The following KYNU variants were observed in gnomAD, a reference collection of about 807,000 sequenced individuals.
KYNU encodes L-kynurenine hydrolase.
Under a neutral mutation model 59.2 loss-of-function variants are expected in KYNU, and 54 were observed. The observed-to-expected ratio is 0.91, with a 90% CI of 0.73 to 1.14. KYNU has a LOEUF of 1.14. Ranked by LOEUF, KYNU falls within the 50% of genes most tolerant of loss-of-function variation. The pLI, the probability that KYNU is intolerant of heterozygous loss-of-function variation, is 0.00. For synonymous variants in KYNU, 177 were observed against 192.0 expected, an observed-to-expected ratio of 0.92 and a Z score of 0.65; for missense variants, 567 against 554.4, an observed-to-expected ratio of 1.02 and a Z score of -0.23.
At position 142,880,027 on chromosome 2, in the gene KYNU, A is replaced by G. The variant is rs539265950; in HGVS notation, c.-20+2291A>G. ...AAATGTTTGTCTAAGTCTTTCTCAT[A>G]TGGTCAGAATGAGAGAGGGTGCCCT... On this transcript the variant is annotated intron_variant, in intron 1 of 13. Coordinates refer to ENST00000264170, the MANE Select transcript of KYNU (RefSeq NM_003937.3). Among the ~76,000 whole-genome samples, 16 of 152,328 alleles carry G rather than the reference A, an allele frequency of 1.1e-4. No individual in the cohort carries two copies. In the East Asian group the frequency reaches 2.9e-3, roughly 28 times the overall value.
intron 4 of KYNU, among the ~76,000 whole-genome samples, chr2:142,953,421 A>T (rs1684058048): frequency 6.6e-6 from 1 of 152,218 alleles, no homozygotes; most frequent in Non-Finnish European, 1.5e-5. Context: ...AACATGGCAG[A>T]TTAACACCCA....
intron 8 of KYNU, among the ~76,000 whole-genome samples, chr2:142,977,943 T>TC (rs1396011087): frequency 1.3e-5 from 2 of 152,186 alleles, no homozygotes; most frequent in African/African-American, 4.8e-5. Context: ...TGGAGGCCCC[T>TC]CTTATAGAAA....
chr2:142,925,522 CTCATT>C (rs1683020909), intron 3 of KYNU, among the ~76,000 whole-genome samples: 1 of 152,206 alleles, frequency 6.6e-6, no homozygotes, highest in South Asian at 2.1e-4. Context: ...CACATGTTAT[CTCATT>C]TATTTCTCAT....
Position 142,930,922 on chromosome 2 carries a change from G to A in KYNU, c.373+3181G>A, listed in dbSNP as rs151118556. The stretch of plus-strand genomic sequence containing the variant: ...GGAGCAACATGCTGTTTTAATGAGC[G>A]CCTGGGTGCAGGCGGGCTGAGGCCT... On this transcript the variant is annotated intron_variant, in intron 4 of 13. Transcript: ENST00000264170. Among the ~76,000 whole-genome samples the A allele has an allele frequency of 1.3e-4, 20 of 152,228 alleles. No individual in the cohort carries two copies. The East Asian group carries it at 2.9e-3, about 22-fold the overall frequency.
intron 2 of KYNU, among the ~76,000 whole-genome samples, chr2:142,906,928 C>T (rs547719570): frequency 6.6e-6 from 1 of 152,264 alleles, no homozygotes; most frequent in East Asian, 1.9e-4. Context: ...CTCTCCCAAC[C>T]CAGAAGTTGT....
At chr2:142,896,015 T>G (rs900553859) in intron 2 of KYNU, among the ~76,000 whole-genome samples, 4 of 152,350 alleles carry the variant, frequency 2.6e-5, no homozygotes, top group Non-Finnish European at 4.4e-5. Context: ...CTTTTTTTCC[T>G]TTGTCTTCTC....
intron 10 of KYNU, among the ~76,000 whole-genome samples, chr2:143,022,876 T>G (rs908196921): frequency 1.3e-5 from 2 of 151,988 alleles, no homozygotes; most frequent in African/African-American, 4.8e-5. Context: ...TACCTTCTTA[T>G]GTTTTCTTGA....
At chr2:142,931,197 G>GTT (rs1276292270) in intron 4 of KYNU, among the ~76,000 whole-genome samples, 2 of 152,212 alleles carry the variant, frequency 1.3e-5, no homozygotes, top group African/African-American at 4.8e-5. Flanking sequence ...GAAGGAAGGA[G>GTT]TTATTCATCT....
chr2:142,885,677 G>C, intron 2 of KYNU, 141 bp downstream of exon 2: 1 of 805,576 alleles, frequency 1.2e-6, no homozygotes, highest in Non-Finnish European at 2.0e-6. Context: ...GAAGATCCCT[G>C]GTGCTCTCAA....
chr2:143,035,487 T>C (rs911172243), intron 12 of KYNU, among the ~76,000 whole-genome samples: 5 of 152,266 alleles, frequency 3.3e-5, no homozygotes, highest in African/African-American at 1.2e-4. Context: ...TTGCTTCCCT[T>C]TCTCTGTTAA....
At chr2:142,897,539 A>T (rs139764416) in intron 2 of KYNU, among the ~76,000 whole-genome samples, 31 of 152,248 alleles carry the variant, frequency 2.0e-4, no homozygotes, top group Admixed American at 1.3e-4. Flanking sequence ...AATACCAGAG[A>T]TCCAAATAAT....
At chr2:143,004,826 A>C (rs1163911475) in intron 10 of KYNU, among the ~76,000 whole-genome samples, 1 of 152,180 alleles carries the variant, frequency 6.6e-6, no homozygotes, top group East Asian at 1.9e-4. Context: ...AGAGTGATGA[A>C]ATCATATCTC....
chr2:142,927,725 T>C lies in KYNU; in HGVS notation c.357T>C (p.Leu119=), dbSNP rs201032563. Residue 119 remains leucine (L), a synonymous_variant, in exon 4 of 14, where the codon CTT becomes CTC. Transcript: ENST00000264170. ...WITGDESIVG[L]MKDIVGANEK... is the part of the protein sequence containing the mutation. ...CAGGAGATGAGAGTATTGTAGGCCT[T>C]ATGAAGGACATTGTAGGTAAGTACA... 1.2e-6 allele frequency: 2 copies of C among 1,610,884 alleles called. No individual in the cohort carries two copies. The highest frequency in any genetic ancestry group is 1.3e-5 in the African/African-American group (1 of 74,958).
chr2:143,055,183 C>A lies in KYNU; in HGVS notation c.*13011C>A, dbSNP rs906095148. 3.9e-5 allele frequency: 6 copies of A among 152,096 alleles called. No individual in the cohort carries two copies. Among genetic ancestry groups the A allele is most frequent in the African/African-American group, 1.4e-4 (6 of 41,418 alleles). The allele number at this position is 152,096 out of a possible 1,614,324, so 9.4% of individuals were successfully genotyped here. On this transcript the variant is annotated 3_prime_UTR_variant, in exon 14 of 14. Coordinates refer to ENST00000264170, the MANE Select transcript of KYNU (RefSeq NM_003937.3). The stretch of plus-strand genomic sequence containing the variant: ...AAAAAACATAGTGACTGAAAATAAC[C>A]CACATTTATTATCTTACAGTTCCAT...
In KYNU at chr2:142,992,698, A is replaced by G. The variant is rs182439167; in HGVS notation, c.902+6677A>G. Among the ~76,000 whole-genome samples, 3 of 152,116 alleles carry G rather than the reference A, an allele frequency of 2.0e-5. No homozygotes were observed. The South Asian group carries it at 6.2e-4, about 31-fold the overall frequency. On this transcript the variant is annotated intron_variant, in intron 10 of 13. Transcript: ENST00000264170. ...TGGTAAAACTTGCATTTTATCTCAC[A>G]TAGGTATCTTTCTAAGGTAATCTTC...
At chr2:142,956,980 A>C (rs1684185963) in intron 6 of KYNU, among the ~76,000 whole-genome samples, 1 of 152,100 alleles carries the variant, frequency 6.6e-6, no homozygotes, top group Non-Finnish European at 1.5e-5. Context: ...TCGTCTCTAT[A>C]AAGTAAATAA....
In KYNU at chr2:142,920,645, TC is replaced by T. The variant is rs140446489; in HGVS notation, c.290+1917del. On this transcript the variant is annotated intron_variant, in intron 3 of 13. Transcript: ENST00000264170. ...AAATTTCATCATTTTAATTAAACCT[TC>T]TTACTGAGTTTTCATTAGACAGATG... Among the ~76,000 whole-genome samples, 1,161 of 152,344 alleles carry T rather than the reference TC, an allele frequency of 7.6e-3. 7 individuals carry two copies. Among genetic ancestry groups the T allele is most frequent in the African/African-American group, 0.027 (1,113 of 41,576 alleles).
At chr2:142,987,599 C>T (rs147586805) in intron 10 of KYNU, among the ~76,000 whole-genome samples, 2 of 152,054 alleles carry the variant, frequency 1.3e-5, no homozygotes, top group East Asian at 3.9e-4. Context: ...AGGGGTCTGT[C>T]ACCTGGAGAA....
At chr2:143,019,312 A>G (rs570262037) in intron 10 of KYNU, among the ~76,000 whole-genome samples, 1 of 152,268 alleles carries the variant, frequency 6.6e-6, no homozygotes, top group East Asian at 1.9e-4. Flanking sequence ...TATTTCTTCT[A>G]TAACCAATTT....
Sources: gnomAD v4.1 joint callset for allele counts (sites outside exome capture counted in the v4.1 genomes callset) on GRCh38, gnomAD v4.1.1 for gene constraint, MANE v1.5 for transcripts, NCBI Gene and HGNC (gene_info 2026-07-23, HGNC 2026-07-21) for gene names.